Variants in GRIK2 observed in about 807,000 individuals in gnomAD.
The protein encoded by GRIK2 is glutamate receptor ionotropic, kainate 2.
In GRIK2, 32 loss-of-function variants were observed where a neutral mutation model predicts 100.3. That is an observed-to-expected ratio of 0.32 (90% CI 0.24 to 0.43). The LOEUF (loss-of-function observed/expected upper bound fraction) is 0.43, where lower values mean the gene tolerates loss of function less well. GRIK2 is among the 20% of genes least tolerant of loss of function. GRIK2 has a pLI of 1.00. For missense variants in GRIK2, 843 were observed against 1,114.9 expected (o/e 0.76, Z 3.47); for synonymous variants, 417 against 389.4 (o/e 1.07, Z -0.83).
At chr6:101,842,200 A>C (rs1244204688) in intron 10 of GRIK2, among the ~76,000 whole-genome samples, 1 of 152,100 alleles carries the variant, frequency 6.6e-6, no homozygotes, top group Non-Finnish European at 1.5e-5. Context: ...ACTTTCTAAT[A>C]TGTTTTTTAA....
chr6:101,667,947 C>G lies in GRIK2; in HGVS notation c.542-8676C>G, dbSNP rs140685500. On this transcript the variant is annotated intron_variant, in intron 4 of 16. Coordinates refer to ENST00000369134, the MANE Select transcript of GRIK2 (RefSeq NM_021956.5). ...CAAATAATCAATTATCCCTGACATG[C>G]AAGTTAAAACTCATTTGCCACTTGG... Among the ~76,000 whole-genome samples the G allele has an allele frequency of 3.7e-4, 56 of 152,180 alleles. 1 individual carries two copies. Among genetic ancestry groups the G allele is most frequent in the African/African-American group, 1.3e-3 (54 of 41,548 alleles).
At chr6:101,733,708 C>CTTTTTTTTTTTTTTTTT (rs34438783) in intron 7 of GRIK2, among the ~76,000 whole-genome samples, 12 of 83,938 alleles carry the variant, frequency 1.4e-4, no homozygotes, top group Non-Finnish European at 1.7e-4. Context: ...ATTCCTCTTT[C>CTTTTTTTTTTTTTTTTT]TTTTTTTTTT....
chr6:101,931,315 C>A (rs1202393405), intron 14 of GRIK2, among the ~76,000 whole-genome samples: 2 of 152,018 alleles, frequency 1.3e-5, no homozygotes, highest in Non-Finnish European at 2.9e-5. Context: ...CATTTAACAG[C>A]CACACATACA....
intron 10 of GRIK2, among the ~76,000 whole-genome samples, chr6:101,834,715 T>C (rs1782950525): frequency 2.0e-5 from 3 of 152,218 alleles, no homozygotes; most frequent in Admixed American, 2.0e-4. Context: ...ATTTTGTTTA[T>C]TAAAGCTAGT....
intron 7 of GRIK2, among the ~76,000 whole-genome samples, chr6:101,775,444 A>T (rs1442828476): frequency 6.6e-6 from 1 of 151,866 alleles, no homozygotes; most frequent in African/African-American, 2.4e-5. Context: ...CTAATTCATC[A>T]ATTTGTCTCT....
At chr6:101,581,286 A>G (rs1256795064) in intron 2 of GRIK2, among the ~76,000 whole-genome samples, 2 of 137,120 alleles carry the variant, frequency 1.5e-5, no homozygotes, top group Admixed American at 7.2e-5. Context: ...ATGTATACAC[A>G]CGTGTGTGTG....
chr6:101,854,258 CTA>C (rs944627351), intron 10 of GRIK2, among the ~76,000 whole-genome samples: 2 of 151,832 alleles, frequency 1.3e-5, no homozygotes, highest in African/African-American at 4.8e-5. Context: ...AAAATTAAGT[CTA>C]TTAATTAATT....
At chr6:101,915,870 C>T (rs1789070872) in intron 12 of GRIK2, among the ~76,000 whole-genome samples, 1 of 151,298 alleles carries the variant, frequency 6.6e-6, no homozygotes, top group East Asian at 1.9e-4. Flanking sequence ...GGTATTTTTT[C>T]CCCCTCTCTT....
At chr6:101,691,550 G>A (rs1483060481) in intron 7 of GRIK2, among the ~76,000 whole-genome samples, 1 of 151,976 alleles carries the variant, frequency 6.6e-6, no homozygotes, top group East Asian at 1.9e-4. Flanking sequence ...CACCCACCTT[G>A]GCCTCCCAAA....
intron 15 of GRIK2, among the ~76,000 whole-genome samples, chr6:102,043,128 C>CAATT (rs1241281535): frequency 6.6e-6 from 1 of 151,496 alleles, no homozygotes; most frequent in Non-Finnish European, 1.5e-5. Context: ...AATATTCCTT[C>CAATT]AATTAGAATG....
At chr6:101,865,299 A>G (rs1784981572) in intron 11 of GRIK2, among the ~76,000 whole-genome samples, 1 of 152,190 alleles carries the variant, frequency 6.6e-6, no homozygotes, top group Non-Finnish European at 1.5e-5. Flanking sequence ...TGGCATTGCA[A>G]TTGGTATTTA....
chr6:101,912,718 T>C (rs1788827833), intron 12 of GRIK2, among the ~76,000 whole-genome samples: 1 of 151,586 alleles, frequency 6.6e-6, no homozygotes, highest in African/African-American at 2.4e-5. Context: ...GTTCCCACTT[T>C]TTCTGAGTGC....
chr6:101,961,521 C>T (rs919441390), intron 14 of GRIK2, among the ~76,000 whole-genome samples: 1 of 152,152 alleles, frequency 6.6e-6, no homozygotes, highest in East Asian at 1.9e-4. Context: ...CAGAAGTCCC[C>T]CTATCCATCT....
chr6:101,627,066 A>G (rs1780490170), intron 4 of GRIK2, among the ~76,000 whole-genome samples: 1 of 151,736 alleles, frequency 6.6e-6, no homozygotes, highest in Admixed American at 6.6e-5. Flanking sequence ...AATATGGTCT[A>G]ACAATTTAGA....
At chr6:101,719,549 A>C (rs1774326177) in intron 7 of GRIK2, among the ~76,000 whole-genome samples, 1 of 151,996 alleles carries the variant, frequency 6.6e-6, no homozygotes, top group African/African-American at 2.4e-5. Context: ...AGCCTTCAAC[A>C]AGCTGGAATA....
chr6:101,634,881 T>TA (rs1780931032), intron 4 of GRIK2, among the ~76,000 whole-genome samples: 1 of 152,082 alleles, frequency 6.6e-6, no homozygotes, highest in Non-Finnish European at 1.5e-5. Flanking sequence ...GAAGTATACT[T>TA]ATAGATTGCT....
At chr6:101,757,116 A>G (rs1421535784) in intron 7 of GRIK2, among the ~76,000 whole-genome samples, 3 of 152,124 alleles carry the variant, frequency 2.0e-5, no homozygotes, top group Admixed American at 6.5e-5. Context: ...AAAAGAAAAT[A>G]TATGCCCTCT....
chr6:101,810,966 A>G (rs1781289318), intron 9 of GRIK2, among the ~76,000 whole-genome samples: 2 of 152,086 alleles, frequency 1.3e-5, no homozygotes, highest in Non-Finnish European at 1.5e-5. Flanking sequence ...TATTCAGTCA[A>G]TTGCAGGAAA....
At chr6:101,428,411 G>C (rs1562130201) in intron 2 of GRIK2, among the ~76,000 whole-genome samples, 1 of 152,170 alleles carries the variant, frequency 6.6e-6, no homozygotes, top group Non-Finnish European at 1.5e-5. Flanking sequence ...GATTTTGTCA[G>C]TCAGTTGCCA....
Sources: allele counts gnomAD v4.1 joint callset (sites outside exome capture counted in the v4.1 genomes callset), GRCh38; gene constraint gnomAD v4.1.1; transcripts MANE v1.5; gene names NCBI Gene and HGNC (gene_info 2026-07-23, HGNC 2026-07-21).